The following CPAP variants were observed in gnomAD, a reference collection of about 807,000 sequenced individuals.
CPAP encodes the protein centrosomal P4.1-associated protein.
the CPAP span, chr13:24,885,794 T>A: frequency 5.5e-6 from 4 of 726,842 alleles, no homozygotes; most frequent in South Asian, 6.5e-5. Context: ...GTTAAGGATG[T>A]CTTAATATTT....
At chr13:24,901,498 C>A in the CPAP span, among the ~76,000 whole-genome samples, 6 of 152,170 alleles carry the variant, frequency 3.9e-5, no homozygotes, top group African/African-American at 1.4e-4. Flanking sequence ...AAATTTATCA[C>A]AAGGAAGTAG....
At chr13:24,894,548 G>A in the CPAP span, among the ~76,000 whole-genome samples, 67 of 152,360 alleles carry the variant, frequency 4.4e-4, no homozygotes, top group African/African-American at 1.4e-3. Flanking sequence ...AAAACAGCTG[G>A]TGAGATTTGG....
At chr13:24,923,529 T>A in the CPAP span, among the ~76,000 whole-genome samples, 2 of 152,202 alleles carry the variant, frequency 1.3e-5, no homozygotes, top group East Asian at 3.9e-4. Context: ...ATTTTTTTGT[T>A]TTGTTTCGTT....
At chr13:24,889,569 C>T in the CPAP span, among the ~76,000 whole-genome samples, 1 of 142,598 alleles carries the variant, frequency 7.0e-6, no homozygotes, top group Admixed American at 6.9e-5. Flanking sequence ...CTAGGAATCA[C>T]TGCGCGTGTG....
the CPAP span, among the ~76,000 whole-genome samples, chr13:24,927,671 C>A: frequency 3.3e-5 from 5 of 152,194 alleles, no homozygotes; most frequent in South Asian, 1.0e-3. Context: ...AGTACTTCCC[C>A]AAGGAATGCT....
chr13:24,893,180 C>T, the CPAP span, among the ~76,000 whole-genome samples: 1 of 152,060 alleles, frequency 6.6e-6, no homozygotes, highest in Non-Finnish European at 1.5e-5. Flanking sequence ...GAAAGGGATC[C>T]AGGGGGGAGA....
At chr13:24,901,265 A>C in the CPAP span, among the ~76,000 whole-genome samples, 1 of 152,248 alleles carries the variant, frequency 6.6e-6, no homozygotes, top group South Asian at 2.1e-4. Flanking sequence ...CTGATAAATG[A>C]GCAAAGATCA....
chr13:24,917,182 CA>C, the CPAP span, among the ~76,000 whole-genome samples: 1 of 152,064 alleles, frequency 6.6e-6, no homozygotes. Context: ...ACCTGGGAGG[CA>C]GCAGATCTTG....
the CPAP span, among the ~76,000 whole-genome samples, chr13:24,898,340 G>T: frequency 2.6e-5 from 4 of 152,224 alleles, no homozygotes; most frequent in African/African-American, 9.6e-5. Context: ...GATGAAATTA[G>T]ACAAAATGAT....
chr13:24,900,709 G>C, the CPAP span, among the ~76,000 whole-genome samples: 1 of 152,202 alleles, frequency 6.6e-6, no homozygotes, highest in Admixed American at 6.5e-5. Context: ...CTGGATGTGT[G>C]TGAAGAGCAC....
the CPAP span, chr13:24,886,307 G>A: frequency 1.6e-6 from 2 of 1,289,148 alleles, no homozygotes; most frequent in African/African-American, 3.0e-5. Context: ...GATGTTACGG[G>A]AGAATGGCCT....
chr13:24,910,315 T>G, the CPAP span, among the ~76,000 whole-genome samples: 2 of 152,322 alleles, frequency 1.3e-5, no homozygotes, highest in East Asian at 3.9e-4. Context: ...CCTCCACCTC[T>G]TGGGTTCAAG....
chr13:24,891,505 A>G, the CPAP span, among the ~76,000 whole-genome samples: 1 of 151,848 alleles, frequency 6.6e-6, no homozygotes, highest in Non-Finnish European at 1.5e-5. Flanking sequence ...CCTTCATGAG[A>G]CCAAAACACA....
the CPAP span, chr13:24,905,951 CCTT>C: frequency 6.2e-7 from 1 of 1,614,150 alleles, no homozygotes; most frequent in South Asian, 1.1e-5. Context: ...ATTTGGAACA[CCTT>C]CATCGTCACG....
the CPAP span, among the ~76,000 whole-genome samples, chr13:24,914,401 T>C: frequency 9.9e-5 from 15 of 152,128 alleles, no homozygotes; most frequent in Non-Finnish European, 2.1e-4. Flanking sequence ...AGAGCCAGGC[T>C]TCACTTCTTA....
chr13:24,899,522 T>A, the CPAP span: 1 of 1,614,018 alleles, frequency 6.2e-7, no homozygotes, highest in Non-Finnish European at 8.5e-7. Flanking sequence ...CTCCTCCTTT[T>A]TAAACTCTTC....
At chr13:24,886,161 C>T in the CPAP span, 1 of 491,540 alleles carries the variant, frequency 2.0e-6, no homozygotes, top group South Asian at 1.6e-5. Flanking sequence ...TGAGGTGAAT[C>T]TCTCTCTAAA....
At chr13:24,882,975 A>AAGAC in the CPAP span, 11 of 585,252 alleles carry the variant, frequency 1.9e-5, no homozygotes, top group South Asian at 6.1e-5. Flanking sequence ...AGTCTATTGA[A>AAGAC]AGACAGGGTA....
chr13:24,929,599 CTTTGAG>C, the CPAP span, among the ~76,000 whole-genome samples: 1 of 152,170 alleles, frequency 6.6e-6, no homozygotes, highest in East Asian at 1.9e-4. Context: ...ATTGTGAACT[CTTTGAG>C]TTTATCATAC....
Sources: allele counts gnomAD v4.1 joint callset (sites outside exome capture counted in the v4.1 genomes callset), GRCh38; gene constraint gnomAD v4.1.1; transcripts MANE v1.5; gene names NCBI Gene and HGNC (gene_info 2026-07-23, HGNC 2026-07-21).